The following ADAMTS12 variants were observed in gnomAD, a reference collection of about 807,000 sequenced individuals.
The protein encoded by ADAMTS12 is ADAM metallopeptidase with thrombospondin type 1 motif 12.
In ADAMTS12, 118 loss-of-function variants were observed where a neutral mutation model predicts 167.8. The observed-to-expected ratio is 0.70, with a 90% confidence interval of 0.61 to 0.82. ADAMTS12 has a LOEUF of 0.82. Among genes scored for constraint, ADAMTS12 ranks in the 40% least tolerant of loss-of-function variants. The probability of loss-of-function intolerance (pLI) is 0.00; values close to 1 mark genes in which losing one functional copy is unlikely to be tolerated. For synonymous variants in ADAMTS12, 704 were observed against 716.9 expected (o/e 0.98, Z 0.29); for missense variants, 1,916 against 1,998.8 (o/e 0.96, Z 0.79).
intron 2 of ADAMTS12, among the ~76,000 whole-genome samples, chr5:33,762,945 T>G (rs556171716): frequency 6.6e-6 from 1 of 152,282 alleles, no homozygotes; most frequent in Non-Finnish European, 1.5e-5. Flanking sequence ...TTTGGGAAAC[T>G]GCTCTGAGGA....
chr5:33,817,744 G>A (rs1407081424), intron 2 of ADAMTS12, among the ~76,000 whole-genome samples: 1 of 151,672 alleles, frequency 6.6e-6, no homozygotes, highest in African/African-American at 2.4e-5. Flanking sequence ...CTCTTTTCAC[G>A]CCTAAAGAAA....
In ADAMTS12 at chr5:33,568,983, C is replaced by T. The variant is rs535237446; in HGVS notation, c.3972+7071G>A. Among the ~76,000 whole-genome samples the T allele has an allele frequency of 3.0e-4, 46 of 152,362 alleles. No individual in the cohort carries two copies. In the South Asian group the frequency reaches 4.3e-3, roughly 14 times the overall value. ...GGAGGGTCCTACGCCCACGGAGTCT[C>T]GCTGATTGCTAGCACAGCAGTCTGA... is the stretch of plus-strand genomic sequence containing the variant. On this transcript the variant is annotated intron_variant, in intron 19 of 23. Transcript: ENST00000504830.
intron 2 of ADAMTS12, among the ~76,000 whole-genome samples, chr5:33,755,219 T>C (rs891933938): frequency 6.6e-6 from 1 of 152,224 alleles, no homozygotes; most frequent in South Asian, 2.1e-4. Flanking sequence ...TTTCAAGAGT[T>C]AGGGGCTGAC....
chr5:33,838,630 C>T (rs761222296), intron 2 of ADAMTS12, among the ~76,000 whole-genome samples: 6 of 152,132 alleles, frequency 3.9e-5, no homozygotes, highest in Non-Finnish European at 8.8e-5. Flanking sequence ...TGCAGTGAGC[C>T]GCGATCGTGC....
At chr5:33,847,899 G>A (rs1749008209) in intron 2 of ADAMTS12, among the ~76,000 whole-genome samples, 1 of 152,004 alleles carries the variant, frequency 6.6e-6, no homozygotes, top group African/African-American at 2.4e-5. Context: ...TGTTTCCAAG[G>A]ATATCCTCTC....
intron 18 of ADAMTS12, among the ~76,000 whole-genome samples, chr5:33,584,980 C>G (rs562865051): frequency 6.0e-4 from 92 of 152,292 alleles, no homozygotes; most frequent in Non-Finnish European, 1.1e-3. Flanking sequence ...TTCCCACTTC[C>G]CTTTCTGCCA....
rs202206222 is a variant in ADAMTS12 at position 33,643,435 on chromosome 5, G to T, written c.1515C>A (p.Gly505=). The T allele has an allele frequency of 6.2e-7, 1 of 1,614,124 alleles. No homozygotes were observed. The highest frequency in any genetic ancestry group is 8.5e-7 in the Non-Finnish European group (1 of 1,179,964). Residue 505 remains glycine (G), a synonymous_variant, in exon 10 of 24, where the codon GGC becomes GGA. Coordinates refer to ENST00000504830, the MANE Select transcript of ADAMTS12 (RefSeq NM_030955.4). ...VCQTLWCSVK[G]FCRSKLDAAA... ...CAGCGTCCAGCTTAGAGCGACAAAA[G>T]CCCTTCACGGAGCACCACAGTGTCT...
intron 2 of ADAMTS12, among the ~76,000 whole-genome samples, chr5:33,753,362 A>G (rs1165440442): frequency 1.3e-5 from 2 of 152,248 alleles, no homozygotes; most frequent in Non-Finnish European, 2.9e-5. Context: ...GCCCAAAGAC[A>G]GTTGTCAAAT....
At chr5:33,610,609 T>C (rs556679459) in intron 16 of ADAMTS12, among the ~76,000 whole-genome samples, 3 of 152,204 alleles carry the variant, frequency 2.0e-5, no homozygotes, top group Non-Finnish European at 4.4e-5. Flanking sequence ...GGCATTTTAC[T>C]TTTAGGTAGA....
intron 1 of ADAMTS12, among the ~76,000 whole-genome samples, chr5:33,890,162 AC>A (rs1219100483): frequency 1.3e-5 from 2 of 152,138 alleles, no homozygotes; most frequent in African/African-American, 4.8e-5. Context: ...GAATTCCCTT[AC>A]AAAGAAGATG....
chr5:33,785,973 C>T (rs996227681), intron 2 of ADAMTS12, among the ~76,000 whole-genome samples: 1 of 152,146 alleles, frequency 6.6e-6, no homozygotes, highest in Non-Finnish European at 1.5e-5. Context: ...CAATGGAATA[C>T]TATTCATCAA....
chr5:33,847,067 A>G lies in ADAMTS12; in HGVS notation c.489+34052T>C, dbSNP rs372971118. ...AAGTTCCAGAAAGGGAAAACAAACAACTTCGTGGGGGTCTGTCCTACAGTA... is the reference window on the plus strand; with the variant it reads ...AAGTTCCAGAAAGGGAAAACAAACAGCTTCGTGGGGGTCTGTCCTACAGTA... On this transcript the variant is annotated intron_variant, in intron 2 of 23. Coordinates refer to ENST00000504830, the MANE Select transcript of ADAMTS12 (RefSeq NM_030955.4). Among the ~76,000 whole-genome samples, 9 of 152,296 alleles carry G rather than the reference A, an allele frequency of 5.9e-5. No homozygotes were observed. The East Asian group carries it at 1.5e-3, about 26-fold the overall frequency.
chr5:33,760,794 C>G (rs1480390147), intron 2 of ADAMTS12, among the ~76,000 whole-genome samples: 3 of 152,052 alleles, frequency 2.0e-5, no homozygotes, highest in Non-Finnish European at 4.4e-5. Flanking sequence ...CCAGAGTTTT[C>G]TGGTCATTTT....
At position 33,792,513 on chromosome 5, in the gene ADAMTS12, A is replaced by G. The variant is rs145658022; in HGVS notation, c.490-40965T>C. 2.6e-3 allele frequency among the ~76,000 whole-genome samples: 403 copies of G among 152,266 alleles called. 1 individual carries two copies. Among genetic ancestry groups the G allele is most frequent in the African/African-American group, 9.3e-3 (386 of 41,554 alleles). On this transcript the variant is annotated intron_variant, in intron 2 of 23. Coordinates refer to ENST00000504830, the MANE Select transcript of ADAMTS12 (RefSeq NM_030955.4). ...CTACAGTTTACATAATTGACATCCA[A>G]TTATTGAATTTGGTGGGCTTATTAT...
intron 14 of ADAMTS12, among the ~76,000 whole-genome samples, chr5:33,616,323 T>G (rs974880503): frequency 6.6e-6 from 1 of 152,222 alleles, no homozygotes; most frequent in East Asian, 1.9e-4. Context: ...AAGAGCAGAT[T>G]GGACTCTGAA....
chr5:33,715,861 G>A (rs1376701131), intron 3 of ADAMTS12, among the ~76,000 whole-genome samples: 3 of 152,132 alleles, frequency 2.0e-5, no homozygotes, highest in African/African-American at 7.2e-5. Flanking sequence ...AGGCCAGGGA[G>A]TTGTCTAGCC....
chr5:33,570,663 C>A (rs1397813920), intron 19 of ADAMTS12, among the ~76,000 whole-genome samples: 2 of 152,058 alleles, frequency 1.3e-5, no homozygotes, highest in South Asian at 4.2e-4. Flanking sequence ...TAAAGACCAT[C>A]GAGATTAGGA....
chr5:33,632,198 G>A (rs1739973713), intron 12 of ADAMTS12, among the ~76,000 whole-genome samples: 2 of 152,098 alleles, frequency 1.3e-5, no homozygotes, highest in African/African-American at 4.8e-5. Context: ...CTAAACATTG[G>A]ATACCCATAG....
rs761372724 is a variant in ADAMTS12, at chr5:33,649,580, G to A, written c.1308C>T (p.Ser436=). 1.2e-5 allele frequency: 20 copies of A among 1,613,886 alleles called. No homozygotes were observed. The highest frequency in any genetic ancestry group is 1.7e-5 in the Admixed American group (1 of 60,020). Reference sequence around the variant, plus strand: ...CCAAGAAGCGGGTGATGTACTCCTCGCTGCACTTGGACCATGTCAGCGGAG... The same window carrying A: ...CCAAGAAGCGGGTGATGTACTCCTCACTGCACTTGGACCATGTCAGCGGAG... ...DPTPLTWSKC[S]EEYITRFLDR... Residue 436 remains serine, a synonymous_variant, in exon 8 of 24, where the codon AGC becomes AGT. Transcript: ENST00000504830.
Sources: gnomAD v4.1 joint callset for allele counts (sites outside exome capture counted in the v4.1 genomes callset) on GRCh38, gnomAD v4.1.1 for gene constraint, MANE v1.5 for transcripts, NCBI Gene and HGNC (gene_info 2026-07-23, HGNC 2026-07-21) for gene names.